MYO1D: variants seen among roughly 807,000 people sequenced by gnomAD.
MYO1D encodes unconventional myosin-Id.
In MYO1D, 83 loss-of-function variants were observed where a neutral mutation model predicts 122.0. That is an observed-to-expected ratio of 0.68 (90% CI 0.57 to 0.82). The LOEUF is 0.82. Ranked by LOEUF, MYO1D falls within the 40% of genes least tolerant of loss-of-function variation. MYO1D has a pLI of 0.00. For missense variants in MYO1D, 1,157 were observed against 1,269.5 expected (o/e 0.91, Z 1.35); for synonymous variants, 464 against 446.9 (o/e 1.04, Z -0.48).
chr17:32,587,664 T>C (rs144681275), intron 21 of MYO1D, among the ~76,000 whole-genome samples: 158 of 152,386 alleles, frequency 1.0e-3, no homozygotes, highest in African/African-American at 3.8e-3. Context: ...GCAGGGTCAA[T>C]GGAGGCTGTG....
At chr17:32,630,152 T>C (rs780444187) in intron 20 of MYO1D, among the ~76,000 whole-genome samples, 2 of 152,232 alleles carry the variant, frequency 1.3e-5, no homozygotes, top group Non-Finnish European at 2.9e-5. Context: ...TATACACATA[T>C]ATTTCTGTCC....
intron 1 of MYO1D, among the ~76,000 whole-genome samples, chr17:32,798,546 C>T (rs1033756909): frequency 4.6e-5 from 7 of 152,146 alleles, no homozygotes; most frequent in South Asian, 2.1e-4. Flanking sequence ...GGAACTTCTA[C>T]GGTGCTAATC....
At chr17:32,653,738 G>A in intron 19 of MYO1D, 105 bp downstream of exon 19, 2 of 895,268 alleles carry the variant, frequency 2.2e-6, no homozygotes, top group South Asian at 1.5e-5. Context: ...TGATGATGAA[G>A]CTAGTTATGT....
chr17:32,611,781 G>A (rs1436096035), intron 20 of MYO1D, among the ~76,000 whole-genome samples: 2 of 152,256 alleles, frequency 1.3e-5, no homozygotes, highest in Non-Finnish European at 2.9e-5. Flanking sequence ...AGAGGTTGCA[G>A]TGAGCCGAGA....
intron 21 of MYO1D, among the ~76,000 whole-genome samples, chr17:32,601,452 A>C (rs1171730489): frequency 1.3e-5 from 2 of 152,206 alleles, no homozygotes; most frequent in African/African-American, 4.8e-5. Flanking sequence ...GTTGTCCTAC[A>C]TGGGTACAGT....
intron 21 of MYO1D, among the ~76,000 whole-genome samples, chr17:32,506,708 T>C (rs1909512763): frequency 6.6e-6 from 1 of 152,262 alleles, no homozygotes; most frequent in African/African-American, 2.4e-5. Flanking sequence ...AATGCAGTTA[T>C]ATGCTACTTG....
chr17:32,579,116 G>A lies in MYO1D; in HGVS notation c.2864+25971C>T, dbSNP rs190462083. On this transcript the variant is annotated intron_variant, in intron 21 of 21. Transcript: ENST00000318217. The stretch of plus-strand genomic sequence containing the variant: ...TAGGGTCTTGCTCTGTCACCCAGGC[G>A]AGAGTGCGGTGGAATGGTCACAGCT... Among the ~76,000 whole-genome samples, 68 of 152,024 alleles carry A rather than the reference G, an allele frequency of 4.5e-4. 3 individuals carry two copies. The East Asian group carries it at 8.3e-3, about 19-fold the overall frequency.
chr17:32,750,114 C>T (rs2089883173), intron 11 of MYO1D, among the ~76,000 whole-genome samples: 1 of 152,212 alleles, frequency 6.6e-6, no homozygotes, highest in Admixed American at 6.5e-5. Context: ...ACTATCATTT[C>T]ACAGAAGATA....
At chr17:32,666,637 G>A (rs185345999) in intron 16 of MYO1D, among the ~76,000 whole-genome samples, 1 of 152,328 alleles carries the variant, frequency 6.6e-6, no homozygotes, top group African/African-American at 2.4e-5. Context: ...GGGCAATTAT[G>A]TATCTTCCGT....
chr17:32,606,645 A>G (rs1287159452), intron 20 of MYO1D, among the ~76,000 whole-genome samples: 1 of 152,258 alleles, frequency 6.6e-6, no homozygotes, highest in Admixed American at 6.5e-5. Flanking sequence ...GACAAAATTC[A>G]ACATCTATCC....
chr17:32,677,700 AAT>A (rs1239510514), intron 16 of MYO1D, among the ~76,000 whole-genome samples: 1 of 151,364 alleles, frequency 6.6e-6, no homozygotes, highest in Admixed American at 6.6e-5. Flanking sequence ...TATAGTTTTT[AAT>A]ATATGTCATA....
intron 1 of MYO1D, among the ~76,000 whole-genome samples, chr17:32,838,066 G>C (rs909794698): frequency 1.3e-5 from 2 of 151,894 alleles, no homozygotes; most frequent in Non-Finnish European, 2.9e-5. Context: ...AGTTGGATCG[G>C]TGATCACACC....
At chr17:32,563,463 C>T (rs2087145602) in intron 21 of MYO1D, among the ~76,000 whole-genome samples, 1 of 152,070 alleles carries the variant, frequency 6.6e-6, no homozygotes, top group African/African-American at 2.4e-5. Context: ...GTGATTCACC[C>T]ACCTCAGCCT....
chr17:32,667,121 A>G (rs556441121), intron 16 of MYO1D, among the ~76,000 whole-genome samples: 3 of 152,364 alleles, frequency 2.0e-5, no homozygotes, highest in African/African-American at 7.2e-5. Context: ...CTCTCGTTGA[A>G]TGAACTCTGA....
intron 21 of MYO1D, among the ~76,000 whole-genome samples, chr17:32,585,966 T>C (rs1403014333): frequency 3.9e-5 from 6 of 152,118 alleles, no homozygotes; most frequent in Non-Finnish European, 8.8e-5. Context: ...GTTTCAAATA[T>C]TGAAGAAAAG....
intron 21 of MYO1D, chr17:32,594,606 A>C (rs998941895): frequency 7.7e-6 from 5 of 646,780 alleles, no homozygotes; most frequent in African/African-American, 5.5e-5. Flanking sequence ...TTTCAGAAAT[A>C]GGCTTTTTCT....
chr17:32,846,372 G>C (rs1276606832), intron 1 of MYO1D, among the ~76,000 whole-genome samples: 4 of 152,186 alleles, frequency 2.6e-5, no homozygotes, highest in Non-Finnish European at 4.4e-5. Context: ...CAGCATAACA[G>C]AGTCCACAAT....
chr17:32,494,702 G>T lies in MYO1D; in HGVS notation c.*57C>A. The T allele has an allele frequency of 6.6e-7, 1 of 1,519,144 alleles. No individual in the cohort carries two copies. The highest frequency in any genetic ancestry group is 1.3e-5 in the South Asian group (1 of 78,986). The allele number at this position is 1,519,144 out of a possible 1,614,324, so 94.1% of individuals were successfully genotyped here. A position where few individuals can be genotyped will look rare whatever the true frequency, so the allele number is the denominator to read the frequency against. On this transcript the variant is annotated 3_prime_UTR_variant, in exon 22 of 22. Coordinates refer to ENST00000318217, the MANE Select transcript of MYO1D (RefSeq NM_015194.3). ...GGCATGGGTTGGGAGGCAGCAGCTG[G>T]ACTGGGACCCAGGACTCGGAGTGTG...
intron 1 of MYO1D, among the ~76,000 whole-genome samples, chr17:32,839,956 T>C (rs1341968582): frequency 2.0e-5 from 3 of 152,220 alleles, no homozygotes; most frequent in African/African-American, 7.2e-5. Flanking sequence ...AGGGCTGCCA[T>C]TCAAAGCCGT....
Sources: allele counts gnomAD v4.1 joint callset (sites outside exome capture counted in the v4.1 genomes callset), GRCh38; gene constraint gnomAD v4.1.1; transcripts MANE v1.5; gene names NCBI Gene and HGNC (gene_info 2026-07-23, HGNC 2026-07-21).